The following SLC7A5 variants were observed in gnomAD, a reference collection of about 807,000 sequenced individuals.
SLC7A5 encodes large neutral amino acids transporter small subunit 1.
SLC7A5 carries 23 observed loss-of-function variants against 50.2 expected under a neutral mutation model. The ratio of observed to expected loss-of-function variants is 0.46; its 90% CI spans 0.33 to 0.65. SLC7A5 has a LOEUF of 0.65. Among genes scored for constraint, SLC7A5 ranks in the 30% least tolerant of loss-of-function variants. The probability of loss-of-function intolerance (pLI) is 0.02; values close to 1 mark genes in which losing one functional copy is unlikely to be tolerated. For missense variants in SLC7A5, 578 were observed against 684.4 expected, an observed-to-expected ratio of 0.84 and a Z score of 1.73; for synonymous variants, 393 against 330.6, an observed-to-expected ratio of 1.19 and a Z score of -2.05.
intron 1 of SLC7A5, among the ~76,000 whole-genome samples, chr16:87,866,108 GGT>G (rs1056823969): frequency 3.3e-5 from 5 of 152,218 alleles, no homozygotes; most frequent in East Asian, 1.9e-4. Flanking sequence ...GGGGGGCGGG[GGT>G]GCGGTGAGCA....
intron 2 of SLC7A5, among the ~76,000 whole-genome samples, chr16:87,851,093 G>A (rs1042242265): frequency 6.6e-6 from 1 of 152,130 alleles, no homozygotes; most frequent in Admixed American, 6.5e-5. Flanking sequence ...GTCTGGGCCA[G>A]CCAGCCTTAA....
At chr16:87,855,161 C>A (rs530853854) in intron 1 of SLC7A5, among the ~76,000 whole-genome samples, 1 of 152,326 alleles carries the variant, frequency 6.6e-6, no homozygotes, top group Admixed American at 6.5e-5. Flanking sequence ...TCCTCAGGAC[C>A]CTGGGGTGGG....
At chr16:87,840,387 A>G in intron 4 of SLC7A5, 42 bp downstream of exon 4, 1 of 1,548,962 alleles carries the variant, frequency 6.5e-7, no homozygotes, top group Non-Finnish European at 8.9e-7. Context: ...GCCTCACATT[A>G]AAATAATGAA....
intron 5 of SLC7A5, among the ~76,000 whole-genome samples, chr16:87,839,305 G>C (rs1032586008): frequency 6.6e-6 from 1 of 152,174 alleles, no homozygotes; most frequent in South Asian, 2.1e-4. Context: ...CTGGCCTCCC[G>C]CCTGCCAAGC....
intron 2 of SLC7A5, among the ~76,000 whole-genome samples, chr16:87,848,659 C>A (rs1216965296): frequency 6.6e-6 from 1 of 152,214 alleles, no homozygotes; most frequent in East Asian, 1.9e-4. Context: ...CAGCCAGCTG[C>A]CCCTCCCAGC....
intron 2 of SLC7A5, among the ~76,000 whole-genome samples, chr16:87,843,729 G>A (rs1402508153): frequency 6.6e-6 from 1 of 152,168 alleles, no homozygotes. Flanking sequence ...CACGGAGCAG[G>A]AGGCCGGGGA....
chr16:87,833,141 C>G lies in SLC7A5; in HGVS notation c.1469-116G>C. 1 of 856,490 alleles carries G rather than the reference C, an allele frequency of 1.2e-6. No homozygotes were observed. The highest frequency in any genetic ancestry group is 2.0e-6 in the Non-Finnish European group (1 of 496,440). The allele number at this position is 856,490 out of a possible 1,614,324, so 53.1% of individuals were successfully genotyped here. ...CTGTCACCAAACCCAGCGCCGCTGC[C>G]CAGCGCTGGGATTTTAAGGAACCTT... On this transcript the variant is annotated intron_variant, in intron 9 of 9. Coordinates refer to ENST00000261622, the MANE Select transcript of SLC7A5 (RefSeq NM_003486.7). This position sits in a 1 kb window ranked among gnomAD's most constrained non-coding sequence, Gnocchi z 6.0.
At position 87,850,312 on chromosome 16, in the gene SLC7A5, G is replaced by A. The variant is rs77645397; in HGVS notation, c.664+1412C>T. On this transcript the variant is annotated intron_variant, in intron 2 of 9. Transcript: ENST00000261622. ...CCACACAGGAGGAGGCAGCGTCCTT[G>A]TGTCTGCATGTTTTGGCCTGGCCGT... Among the ~76,000 whole-genome samples the A allele has an allele frequency of 8.9e-4, 135 of 152,322 alleles. 1 individual carries two copies. In the East Asian group the frequency reaches 0.02, roughly 22 times the overall value.
intron 4 of SLC7A5, 121 bp downstream of exon 4, chr16:87,840,308 C>T: frequency 2.2e-6 from 2 of 889,882 alleles, no homozygotes; most frequent in Non-Finnish European, 3.8e-6. Context: ...CCAGAGGCCC[C>T]AATCACGGCC....
Position 87,830,914 on chromosome 16 carries a change from T to C in SLC7A5, c.*2056A>G, listed in dbSNP as rs1597488952. 6.6e-6 allele frequency: 1 copy of C among 152,248 alleles called. No homozygotes were observed. Among genetic ancestry groups the C allele is most frequent in the African/African-American group, 2.4e-5 (1 of 41,434 alleles). 9.4% of individuals were successfully genotyped at this position (152,248 alleles called of 1,614,324 possible). A position where few individuals can be genotyped will look rare whatever the true frequency, so the allele number is the denominator to read the frequency against. ...AACAGAACGGCATCCCGAGGACCCCTAGCCGAGGCGGGAAGGTAAGAGGCT... is the reference window on the plus strand; with the variant it reads ...AACAGAACGGCATCCCGAGGACCCCCAGCCGAGGCGGGAAGGTAAGAGGCT... On this transcript the variant is annotated 3_prime_UTR_variant, in exon 10 of 10. Transcript: ENST00000261622.
chr16:87,831,963 G>A lies in SLC7A5; in HGVS notation c.*1007C>T, dbSNP rs1418142385. The A allele has an allele frequency of 6.5e-6, 1 of 153,098 alleles. No individual in the cohort carries two copies. Among genetic ancestry groups the A allele is most frequent in the Non-Finnish European group, 1.5e-5 (1 of 68,766 alleles). The allele number at this position is 153,098 out of a possible 1,614,324, so 9.5% of individuals were successfully genotyped here. A position where few individuals can be genotyped will look rare whatever the true frequency, so the allele number is the denominator to read the frequency against. Reference sequence around the variant, plus strand: ...GACAGGGAGAGCGGGGAGGTGCCTAGGCCGGGAGTGGGAACCCAGCACCGG... The same window carrying A: ...GACAGGGAGAGCGGGGAGGTGCCTAAGCCGGGAGTGGGAACCCAGCACCGG... On this transcript the variant is annotated 3_prime_UTR_variant, in exon 10 of 10. Transcript: ENST00000261622.
At chr16:87,868,764 T>A (rs1011926040) in intron 1 of SLC7A5, 121 bp downstream of exon 1, 5 of 1,070,768 alleles carry the variant, frequency 4.7e-6, no homozygotes, top group Non-Finnish European at 7.0e-6. Flanking sequence ...AGCCTAGAAC[T>A]GCCGGGATGG....
rs1378304105 is a variant in SLC7A5, at chr16:87,860,205, T to C, written c.539-8356A>G. On this transcript the variant is annotated intron_variant, in intron 1 of 9. Coordinates refer to ENST00000261622, the MANE Select transcript of SLC7A5 (RefSeq NM_003486.7). The surrounding 1 kb of genome is among the most constrained non-coding windows in gnomAD (Gnocchi z 4.8). The stretch of plus-strand genomic sequence containing the variant: ...AAAATTAGCTGGGCATGGTGGTGCA[T>C]GCCTGTAGTCCCAGCTACTCGGGAA... Among the ~76,000 whole-genome samples the C allele has an allele frequency of 2.6e-5, 4 of 151,550 alleles. No individual in the cohort carries two copies. Among genetic ancestry groups the C allele is most frequent in the Non-Finnish European group, 5.9e-5 (4 of 67,906 alleles).
chr16:87,864,935 G>A (rs111880212), intron 1 of SLC7A5, among the ~76,000 whole-genome samples: 1,710 of 152,292 alleles, frequency 0.011, 31 homozygotes, highest in African/African-American at 0.038. Flanking sequence ...TTAATTAAAG[G>A]TAAAGGGATC....
chr16:87,849,419 G>A (rs1002274059), intron 2 of SLC7A5, among the ~76,000 whole-genome samples: 7 of 152,212 alleles, frequency 4.6e-5, no homozygotes, highest in African/African-American at 1.2e-4. Context: ...GTGGGAGGAC[G>A]CTTTCAACAG....
At chr16:87,851,583 TC>T in intron 2 of SLC7A5, 140 bp downstream of exon 2, 1 of 1,118,650 alleles carries the variant, frequency 8.9e-7, no homozygotes, top group Non-Finnish European at 1.3e-6. Flanking sequence ...TGGGTGATTT[TC>T]CCAGAGGGAA....
At chr16:87,865,374 G>A (rs1351554752) in intron 1 of SLC7A5, among the ~76,000 whole-genome samples, 1 of 152,174 alleles carries the variant, frequency 6.6e-6, no homozygotes, top group Non-Finnish European at 1.5e-5. Flanking sequence ...TCTAGGGCCT[G>A]CCTTGAAGCT....
rs1347207947 is a variant in SLC7A5 at position 87,869,236 on chromosome 16, T to C, written c.187A>G (p.Ile63Val). Reference protein sequence around the residue: ...LNGVAIIVGTIIGSGIFVTPT... With the variant: ...LNGVAIIVGTVIGSGIFVTPT... ...GTCACGAAGATGCCCGAGCCGATAA[T>C]GGTCCCCACGATGATGGCCACGCCG... is the stretch of plus-strand genomic sequence containing the variant. Residue 63 changes from isoleucine to valine, a missense_variant, in exon 1 of 10, where the codon ATT becomes GTT. Ile to Val is a conservative substitution (Grantham distance 29). Coordinates refer to ENST00000261622, the MANE Select transcript of SLC7A5 (RefSeq NM_003486.7). The C allele has an allele frequency of 3.7e-6, 6 of 1,612,802 alleles. No individual in the cohort carries two copies. Among genetic ancestry groups the C allele is most frequent in the African/African-American group, 1.3e-5 (1 of 75,038 alleles).
rs1258742205 is a variant in SLC7A5, at chr16:87,831,901, G to A, written c.*1069C>T. 1 of 152,422 alleles carries A rather than the reference G, an allele frequency of 6.6e-6. No individual in the cohort carries two copies. Among genetic ancestry groups the A allele is most frequent in the Non-Finnish European group, 1.5e-5 (1 of 68,198 alleles). The allele number at this position is 152,422 out of a possible 1,614,324, so 9.4% of individuals were successfully genotyped here. On this transcript the variant is annotated 3_prime_UTR_variant, in exon 10 of 10. Coordinates refer to ENST00000261622, the MANE Select transcript of SLC7A5 (RefSeq NM_003486.7). ...GAGCAGTGCTTGGCTCTGTCTCCTA[G>A]ACAACGGGCATCAGGACCAGGACAG...
Sources: allele counts gnomAD v4.1 joint callset (sites outside exome capture counted in the v4.1 genomes callset), GRCh38; gene constraint gnomAD v4.1.1; non-coding constraint Gnocchi (gnomAD v3.1); transcripts MANE v1.5; gene names NCBI Gene and HGNC (gene_info 2026-07-23, HGNC 2026-07-21).